Variants in GAR1 observed in about 807,000 individuals in gnomAD.
GAR1 encodes the protein GAR1 ribonucleoprotein.
GAR1 carries 11 observed loss-of-function variants against 29.3 expected under a neutral mutation model. The observed-to-expected ratio is 0.38, with a 90% CI of 0.24 to 0.62. The LOEUF (loss-of-function observed/expected upper bound fraction) is 0.62. Among genes scored for constraint, GAR1 ranks in the 20% least tolerant of loss-of-function variants. The probability of loss-of-function intolerance (pLI) is 0.62; values close to 1 mark genes in which losing one functional copy is unlikely to be tolerated. For synonymous variants in GAR1, 87 were observed against 93.3 expected (o/e 0.93, Z 0.39); for missense variants, 237 against 268.4 (o/e 0.88, Z 0.82).
chr4:109,822,443 C>T lies in GAR1; in HGVS notation c.526C>T (p.Arg176Ter), dbSNP rs757617022. ...GPPRGGGRGGRGGGRGGGGRG... is the reference protein window; with the variant it reads ...GPPRGGGRGG ...TCCAAGAGGTGGTGGCAGGGGAGGC[C>T]GAGGAGGAGGAAGAGGAGGAGGTGG... Residue 176 changes from arginine to a stop codon, truncating the protein, a stop_gained, in exon 5 of 7, where the codon CGA becomes TGA. Transcript: ENST00000226796. LOFTEE classifies it high-confidence loss of function. 4 of 1,607,482 alleles carry T rather than the reference C, an allele frequency of 2.5e-6. No homozygotes were observed. Among genetic ancestry groups the T allele is most frequent in the Admixed American group, 1.7e-5 (1 of 59,618 alleles).
In GAR1 at chr4:109,816,174, C is replaced by G; in HGVS notation, c.10C>G (p.Arg4Gly). The change falls in exon 2 of 7, where the codon CGA becomes GGA. Residue 4 changes from arginine to glycine, a missense_variant. Transcript: ENST00000226796. ...TCAGGGAGGAGAGAGAATGTCTTTT[C>G]GAGGCGGAGGTCGTGGAGGCTTTAA... MSF[R>G]GGGRGGFNRG... The G allele has an allele frequency of 6.4e-7, 1 of 1,552,088 alleles. No homozygotes were observed. Among genetic ancestry groups the G allele is most frequent in the Non-Finnish European group, 8.8e-7 (1 of 1,140,044 alleles).
At position 109,816,207 on chromosome 4, in the gene GAR1, G is replaced by C. The variant is rs763131345; in HGVS notation, c.43G>C (p.Gly15Arg). The change falls in exon 2 of 7, where the codon GGT becomes CGT. Residue 15 changes from glycine to arginine, a missense_variant. Transcript: ENST00000226796. ...GGGRGGFNRG[G>R]GGGGFNRGGS... ...AGGTCGTGGAGGCTTTAATCGAGGT[G>C]GTGGAGGTGGCGGCTTCAACCGAGG... 6.2e-7 allele frequency: 1 copy of C among 1,611,242 alleles called. No homozygotes were observed. Among genetic ancestry groups the C allele is most frequent in the Admixed American group, 1.7e-5 (1 of 59,924 alleles).
intron 3 of GAR1, 83 bp from the exon 4 acceptor site, chr4:109,818,918 T>C (rs1322027627): frequency 4.3e-6 from 3 of 705,246 alleles, no homozygotes; most frequent in Non-Finnish European, 5.1e-6. Flanking sequence ...TCTAACCTTG[T>C]TTTTGAAATT....
chr4:109,817,884 C>A (rs915276740), intron 2 of GAR1, 52 bp from the exon 3 acceptor site: 11 of 1,449,984 alleles, frequency 7.6e-6, no homozygotes, highest in Non-Finnish European at 1.0e-5. Flanking sequence ...AGCAGTTGGT[C>A]AGTATCGTTT....
At position 109,824,714 on chromosome 4, in the gene GAR1, A is replaced by G. The variant is rs1733605474; in HGVS notation, c.*283A>G. 1 of 317,114 alleles carries G rather than the reference A, an allele frequency of 3.2e-6. No homozygotes were observed. Among genetic ancestry groups the G allele is most frequent in the Admixed American group, 4.8e-5 (1 of 20,626 alleles). 19.6% of individuals were successfully genotyped at this position (317,114 alleles called of 1,614,324 possible). On this transcript the variant is annotated 3_prime_UTR_variant, in exon 7 of 7. Coordinates refer to ENST00000226796, the MANE Select transcript of GAR1 (RefSeq NM_018983.4). ...CATTTGAAGCATATTTGAATTTTTA[A>G]AATAAAGTGTTTTATTCCCTTAAGT...
At chr4:109,816,943 A>T (rs1244727739) in intron 2 of GAR1, among the ~76,000 whole-genome samples, 1 of 152,258 alleles carries the variant, frequency 6.6e-6, no homozygotes, top group Non-Finnish European at 1.5e-5. Flanking sequence ...GGAAACTGCC[A>T]GAGAGGAAAT....
At chr4:109,823,872 A>G in intron 5 of GAR1, 93 bp from the exon 6 acceptor site, 1 of 711,862 alleles carries the variant, frequency 1.4e-6, no homozygotes, top group Non-Finnish European at 2.4e-6. Flanking sequence ...TAGGCTTATC[A>G]ATATAAGAGG....
At chr4:109,816,632 CTA>C (rs1284270870) in intron 2 of GAR1, among the ~76,000 whole-genome samples, 6 of 152,242 alleles carry the variant, frequency 3.9e-5, no homozygotes, top group South Asian at 4.1e-4. Context: ...GATGAGAAAA[CTA>C]TGATTTAGAG....
chr4:109,824,402 A>T lies in GAR1; in HGVS notation c.641-16A>T. 6.4e-7 allele frequency: 1 copy of T among 1,570,272 alleles called. No individual in the cohort carries two copies. On this transcript the variant is annotated splice_polypyrimidine_tract_variant and intron_variant, in intron 6 of 6. Coordinates refer to ENST00000226796, the MANE Select transcript of GAR1 (RefSeq NM_018983.4). ...CATTTTCTGTGCCCTTAATACTTTA[A>T]TTTTCTCTTAATCAGGGAGAGGACA...
intron 5 of GAR1, among the ~76,000 whole-genome samples, chr4:109,823,181 G>C (rs1733565574): frequency 6.6e-6 from 1 of 152,180 alleles, no homozygotes; most frequent in African/African-American, 2.4e-5. Context: ...GCCATGCCCT[G>C]TGAGTAGGAG....
chr4:109,822,306 TC>T, intron 4 of GAR1, 40 bp from the exon 5 acceptor site: 2 of 1,188,834 alleles, frequency 1.7e-6, no homozygotes. Context: ...TATTATACTG[TC>T]CCCCAAGTTG....
At chr4:109,816,965 C>T (rs1733371705) in intron 2 of GAR1, among the ~76,000 whole-genome samples, 1 of 152,102 alleles carries the variant, frequency 6.6e-6, no homozygotes, top group African/African-American at 2.4e-5. Context: ...TAGAAAAACA[C>T]CTATTTAGGG....
Position 109,822,570 on chromosome 4 carries a change from A to G in GAR1, c.571+82A>G, listed in dbSNP as rs578006045. 6.7e-5 allele frequency: 94 copies of G among 1,404,842 alleles called. 1 individual carries two copies. Among genetic ancestry groups the G allele is most frequent in the Admixed American group, 3.4e-4 (13 of 38,028 alleles). The allele number at this position is 1,404,842 out of a possible 1,614,324, so 87.0% of individuals were successfully genotyped here. On this transcript the variant is annotated intron_variant, in intron 5 of 6. Transcript: ENST00000226796. ...CATACAATACAATTTAGCTTTGTACATAGCAAACCTCCCTTATGGTTCTTT... is the reference window on the plus strand; with the variant it reads ...CATACAATACAATTTAGCTTTGTACGTAGCAAACCTCCCTTATGGTTCTTT...
intron 2 of GAR1, 135 bp from the exon 3 acceptor site, chr4:109,817,801 A>G: frequency 1.5e-6 from 1 of 655,770 alleles, no homozygotes; most frequent in South Asian, 1.9e-5. Context: ...GGAAGTCCTA[A>G]GACTGTGGTC....
At position 109,822,502 on chromosome 4, in the gene GAR1, G is replaced by A; in HGVS notation, c.571+14G>A. ...GTGGCAGAGGCGGTAAGTTACTTGG[G>A]GAAAATTTCTAATGAAATTAACTGT... On this transcript the variant is annotated intron_variant, in intron 5 of 6. Coordinates refer to ENST00000226796, the MANE Select transcript of GAR1 (RefSeq NM_018983.4). 6.3e-7 allele frequency: 1 copy of A among 1,585,256 alleles called. No homozygotes were observed. Among genetic ancestry groups the A allele is most frequent in the Non-Finnish European group, 8.5e-7 (1 of 1,170,960 alleles).
chr4:109,823,830 CATTATA>C (rs768766382), intron 5 of GAR1, 129 bp from the exon 6 acceptor site: 11 of 467,154 alleles, frequency 2.4e-5, no homozygotes, highest in Non-Finnish European at 3.0e-5. Flanking sequence ...TATATTTATT[CATTATA>C]ATTATAGTTA....
chr4:109,818,135 A>T, intron 3 of GAR1, 45 bp downstream of exon 3: 2 of 1,456,498 alleles, frequency 1.4e-6, no homozygotes, highest in Non-Finnish European at 1.9e-6. Flanking sequence ...AAAGGTTGCT[A>T]TTTGCATTTT....
At position 109,822,486 on chromosome 4, in the gene GAR1, G is replaced by A. The variant is rs567690133; in HGVS notation, c.569G>A (p.Gly190Asp). ...GGAGGTGGCAGAGGTGGTGGCAGAG[G>A]CGGTAAGTTACTTGGGGAAAATTTC... ...RGGGGRGGGR[G>D]GGFRGGRGGG... The change falls in exon 5 of 7, where the codon GGC (glycine) becomes GAC (aspartate). Residue 190 changes from glycine to aspartate, a missense_variant and splice_region_variant. Gly to Asp is a moderately conservative substitution (Grantham distance 94). Coordinates refer to ENST00000226796, the MANE Select transcript of GAR1 (RefSeq NM_018983.4). 1 of 1,594,346 alleles carries A rather than the reference G, an allele frequency of 6.3e-7. No homozygotes were observed. The highest frequency in any genetic ancestry group is 8.5e-7 in the Non-Finnish European group (1 of 1,173,648).
intron 2 of GAR1, among the ~76,000 whole-genome samples, chr4:109,816,603 C>G (rs1733360472): frequency 6.6e-6 from 1 of 152,132 alleles, no homozygotes; most frequent in African/African-American, 2.4e-5. Context: ...GTACTTATGC[C>G]TAATTCCCCG....
Sources: gnomAD v4.1 joint callset for allele counts (sites outside exome capture counted in the v4.1 genomes callset) on GRCh38, gnomAD v4.1.1 for gene constraint, MANE v1.5 for transcripts, NCBI Gene and HGNC (gene_info 2026-07-23, HGNC 2026-07-21) for gene names.